The following HDAC8 variants were observed in gnomAD, a reference collection of about 807,000 sequenced individuals.
The protein encoded by HDAC8 is histone deacetylase 8.
A neutral mutation model predicts 32.2 loss-of-function variants in HDAC8; 1 was observed. The observed-to-expected ratio is 0.03, with a 90% CI of 0.01 to 0.15. The LOEUF (loss-of-function observed/expected upper bound fraction) is 0.15, where lower values mean the gene tolerates loss of function less well. HDAC8 is among the 10% of genes least tolerant of loss of function. The pLI is 1.00. For synonymous variants in HDAC8, 108 were observed against 113.9 expected (o/e 0.95, Z 0.33); for missense variants, 117 against 300.0 (o/e 0.39, Z 4.51).
intron 4 of HDAC8, among the ~76,000 whole-genome samples, chrX:72,500,050 A>G (rs782142617): frequency 9.9e-5 from 11 of 111,327 alleles, no homozygotes; most frequent in Non-Finnish European, 2.1e-4. Context: ...AAATTCCTGG[A>G]CATATACACC....
In HDAC8 at chrX:72,358,483, C is replaced by T. The variant is rs548651156; in HGVS notation, c.1006-6645G>A. 3.3e-4 allele frequency among the ~76,000 whole-genome samples: 37 copies of T among 111,634 alleles called. No homozygotes were observed. In the Admixed American group the frequency reaches 3.4e-3, roughly 10 times the overall value. On this transcript the variant is annotated intron_variant, in intron 9 of 10. Coordinates refer to ENST00000373573, the MANE Select transcript of HDAC8 (RefSeq NM_018486.3). ...AAGACAGCTACTAAGTGACTAATGG[C>T]GGGTAGCATAGATGGCATGGATACT...
intron 4 of HDAC8, among the ~76,000 whole-genome samples, chrX:72,548,266 C>T (rs1431174017): frequency 9.0e-6 from 1 of 111,565 alleles, no homozygotes; most frequent in African/African-American, 3.3e-5. Context: ...CTACCCCAAA[C>T]CTACCAAATC....
intron 9 of HDAC8, among the ~76,000 whole-genome samples, chrX:72,374,258 C>A (rs1355013413): frequency 9.0e-6 from 1 of 111,666 alleles, no homozygotes; most frequent in Non-Finnish European, 1.9e-5. Context: ...GCTATGTTGC[C>A]CAGGCTGGTC....
chrX:72,401,417 TGGG>T lies in HDAC8; in HGVS notation c.1006-49582_1006-49580del, dbSNP rs2045898828. On this transcript the variant is annotated intron_variant, in intron 9 of 10. Coordinates refer to ENST00000373573, the MANE Select transcript of HDAC8 (RefSeq NM_018486.3). ...GCCCAGCTAATTTTTTTTGTAGAGA[TGGG>T]GTTTTGCCATGTTGCCCAGGCTGGT... is the stretch of plus-strand genomic sequence containing the variant. Among the ~76,000 whole-genome samples the T allele has an allele frequency of 2.7e-5, 3 of 110,858 alleles. No individual in the cohort carries two copies. The South Asian group carries it at 1.2e-3, about 43-fold the overall frequency.
intron 9 of HDAC8, among the ~76,000 whole-genome samples, chrX:72,428,049 A>G (rs1555976156): frequency 1.1e-4 from 12 of 112,302 alleles, no homozygotes; most frequent in Non-Finnish European, 1.9e-5. Flanking sequence ...TTGCAATAGG[A>G]TTTAAACCAA....
chrX:72,542,478 T>G (rs1314952152), intron 4 of HDAC8, among the ~76,000 whole-genome samples: 1 of 112,206 alleles, frequency 8.9e-6, no homozygotes, highest in Non-Finnish European at 1.9e-5. Flanking sequence ...AAGGTCCCTT[T>G]GAGTGGTCCA....
intron 9 of HDAC8, among the ~76,000 whole-genome samples, chrX:72,381,263 T>C (rs1057154124): frequency 2.7e-5 from 3 of 111,867 alleles, no homozygotes; most frequent in Non-Finnish European, 5.6e-5. Flanking sequence ...ATTATTCTAA[T>C]ATAAAATATA....
intron 10 of HDAC8, among the ~76,000 whole-genome samples, chrX:72,344,576 A>G (rs2043974494): frequency 8.9e-6 from 1 of 112,371 alleles, no homozygotes; most frequent in Non-Finnish European, 1.9e-5. Flanking sequence ...ATGTAGATAC[A>G]CTGTATGGAA....
At chrX:72,364,515 A>G (rs1555953678) in intron 9 of HDAC8, among the ~76,000 whole-genome samples, 1 of 112,032 alleles carries the variant, frequency 8.9e-6, no homozygotes, top group African/African-American at 3.2e-5. Context: ...AAGTAGAGCT[A>G]ATTGTAAGTC....
chrX:72,337,321 C>T (rs2043727907), intron 10 of HDAC8, among the ~76,000 whole-genome samples: 1 of 111,953 alleles, frequency 8.9e-6, no homozygotes, highest in Non-Finnish European at 1.9e-5. Flanking sequence ...ATGTCTAGTG[C>T]AAGTGAGGAA....
chrX:72,345,244 C>T (rs916996122), intron 10 of HDAC8, among the ~76,000 whole-genome samples: 1 of 111,129 alleles, frequency 9.0e-6, no homozygotes, highest in African/African-American at 3.3e-5. Context: ...CTGAAGCTCA[C>T]TTTGGGAACC....
intron 9 of HDAC8, among the ~76,000 whole-genome samples, chrX:72,414,195 G>A (rs1326949077): frequency 2.7e-5 from 3 of 112,347 alleles, no homozygotes; most frequent in Non-Finnish European, 5.6e-5. Context: ...GCACTTTCAT[G>A]TATTTTATGT....
chrX:72,488,764 T>C (rs1381225881), intron 7 of HDAC8, among the ~76,000 whole-genome samples, 169 bp downstream of exon 7: 1 of 111,465 alleles, frequency 9.0e-6, no homozygotes, highest in Non-Finnish European at 1.9e-5. Flanking sequence ...GGCTCTGCCA[T>C]ACAGCGGATA....
chrX:72,530,031 C>A (rs1027639205), intron 4 of HDAC8, among the ~76,000 whole-genome samples: 4 of 112,440 alleles, frequency 3.6e-5, no homozygotes, highest in Non-Finnish European at 7.5e-5. Context: ...CCTCTACAGC[C>A]TCTAGAACTG....
chrX:72,445,530 A>G (rs781843813), intron 9 of HDAC8, among the ~76,000 whole-genome samples: 119 of 112,248 alleles, frequency 1.1e-3, no homozygotes, highest in African/African-American at 3.8e-3. Flanking sequence ...ACAAAAATTA[A>G]TTCAAGATGG....
intron 9 of HDAC8, among the ~76,000 whole-genome samples, chrX:72,407,011 G>T (rs1007488461): frequency 7.1e-5 from 8 of 112,496 alleles, no homozygotes; most frequent in Non-Finnish European, 3.8e-5. Flanking sequence ...GTCAATCTTT[G>T]TCTTAAGTCA....
intron 7 of HDAC8, among the ~76,000 whole-genome samples, chrX:72,475,887 G>A (rs1347826544): frequency 1.8e-5 from 2 of 111,064 alleles, no homozygotes; most frequent in Admixed American, 9.6e-5. Context: ...TTTAATTTTC[G>A]TAACGTAATT....
intron 9 of HDAC8, among the ~76,000 whole-genome samples, chrX:72,401,769 C>T (rs782245967): frequency 2.7e-5 from 3 of 112,004 alleles, no homozygotes; most frequent in African/African-American, 3.2e-5. Context: ...GATACAAGTC[C>T]CATATCACAT....
At chrX:72,444,299 C>A (rs1487546504) in intron 9 of HDAC8, among the ~76,000 whole-genome samples, 1 of 108,454 alleles carries the variant, frequency 9.2e-6, no homozygotes, top group African/African-American at 3.4e-5. Context: ...AAAATACCGG[C>A]AAACCGAATC....
Sources: gnomAD v4.1 joint callset for allele counts (sites outside exome capture counted in the v4.1 genomes callset) on GRCh38, gnomAD v4.1.1 for gene constraint, MANE v1.5 for transcripts, NCBI Gene and HGNC (gene_info 2026-07-23, HGNC 2026-07-21) for gene names.